The following CNTN3 variants were observed in gnomAD, a reference collection of about 807,000 sequenced individuals.
CNTN3 encodes contactin 3.
A neutral mutation model predicts 119.1 loss-of-function variants in CNTN3; 60 were observed. The observed-to-expected ratio is 0.50, with a 90% CI of 0.41 to 0.62. The LOEUF is 0.62. Among genes scored for constraint, CNTN3 ranks in the 20% least tolerant of loss-of-function variants. CNTN3 has a pLI of 0.00. For missense variants in CNTN3, 1,101 were observed against 1,242.4 expected (o/e 0.89, Z 1.71); for synonymous variants, 450 against 438.7 (o/e 1.03, Z -0.32).
intron 2 of CNTN3, among the ~76,000 whole-genome samples, chr3:74,518,540 C>T (rs545450828): frequency 6.6e-6 from 1 of 152,018 alleles, no homozygotes; most frequent in South Asian, 2.1e-4. Flanking sequence ...CCACATCCAA[C>T]ACCACAAACT....
At chr3:74,407,977 T>C (rs1701365263) in intron 5 of CNTN3, among the ~76,000 whole-genome samples, 1 of 152,184 alleles carries the variant, frequency 6.6e-6, no homozygotes, top group South Asian at 2.1e-4. Flanking sequence ...TTGGTGGTTG[T>C]GAGCAGCATG....
rs1575835012 is a variant in CNTN3, at chr3:74,567,659, A to C, written c.-80-46467T>G. On this transcript the variant is annotated intron_variant, in intron 1 of 22. Transcript: ENST00000263665. ...CAAGAAGGGACCTTTTTGAATCTTG[A>C]GAAGACAAAGAGTGGATCATTTCCT... Among the ~76,000 whole-genome samples, 3 of 152,198 alleles carry C rather than the reference A, an allele frequency of 2.0e-5. 1 individual carries two copies. The East Asian group carries it at 5.8e-4, about 29-fold the overall frequency.
At chr3:74,289,053 T>C (rs1702175600) in intron 19 of CNTN3, among the ~76,000 whole-genome samples, 1 of 152,194 alleles carries the variant, frequency 6.6e-6, no homozygotes, top group African/African-American at 2.4e-5. Flanking sequence ...CTATTAACAA[T>C]TTTAAAGCCA....
intron 2 of CNTN3, among the ~76,000 whole-genome samples, chr3:74,504,779 T>G (rs954168980): frequency 2.5e-5 from 1 of 40,514 alleles, no homozygotes; most frequent in Non-Finnish European, 8.0e-5. Context: ...CCACAACTCT[T>G]TGTCATTCTC....
chr3:74,389,476 T>C (rs947096896), intron 5 of CNTN3, among the ~76,000 whole-genome samples: 1 of 152,332 alleles, frequency 6.6e-6, no homozygotes, highest in Middle Eastern at 3.4e-3. Flanking sequence ...AACTCTTACA[T>C]ATACTGAGAA....
chr3:74,270,930 C>G (rs1229296546), intron 20 of CNTN3, among the ~76,000 whole-genome samples: 1 of 152,098 alleles, frequency 6.6e-6, no homozygotes, highest in Non-Finnish European at 1.5e-5. Context: ...AGATTTATAT[C>G]ACAACACTAA....
chr3:74,435,648 A>G (rs184882676), intron 4 of CNTN3, among the ~76,000 whole-genome samples: 36 of 152,316 alleles, frequency 2.4e-4, no homozygotes, highest in Non-Finnish European at 3.8e-4. Context: ...GCTTTGCTAG[A>G]CACTGTGATA....
At chr3:74,476,466 A>G (rs1702657512) in intron 4 of CNTN3, among the ~76,000 whole-genome samples, 1 of 152,210 alleles carries the variant, frequency 6.6e-6, no homozygotes, top group South Asian at 2.1e-4. Flanking sequence ...ACAGAGGCTA[A>G]CAAGAATCAA....
chr3:74,586,933 T>C (rs1453929067), intron 1 of CNTN3, among the ~76,000 whole-genome samples: 1 of 152,092 alleles, frequency 6.6e-6, no homozygotes, highest in Admixed American at 6.6e-5. Context: ...CTGCCTAGCA[T>C]CTATCCTGCC....
intron 3 of CNTN3, among the ~76,000 whole-genome samples, chr3:74,492,884 G>T (rs1702993224): frequency 6.6e-6 from 1 of 152,046 alleles, no homozygotes; most frequent in African/African-American, 2.4e-5. Flanking sequence ...AACTCCACTG[G>T]ATAATGACTA....
At chr3:74,408,925 T>C (rs897175759) in intron 5 of CNTN3, among the ~76,000 whole-genome samples, 1 of 152,192 alleles carries the variant, frequency 6.6e-6, no homozygotes, top group Non-Finnish European at 1.5e-5. Context: ...AAATTGTCTA[T>C]ACAGTTCTTC....
intron 1 of CNTN3, among the ~76,000 whole-genome samples, chr3:74,557,727 G>GAAAAA (rs5850189): frequency 7.3e-6 from 1 of 136,974 alleles, no homozygotes. Context: ...AGCAACAGAT[G>GAAAAA]AAAAAAAAAA....
At chr3:74,293,693 G>C (rs780691756) in intron 19 of CNTN3, among the ~76,000 whole-genome samples, 2 of 152,028 alleles carry the variant, frequency 1.3e-5, no homozygotes, top group African/African-American at 2.4e-5. Context: ...CAGGCCAGTC[G>C]TGAAATCCTG....
chr3:74,448,764 G>A (rs1423649562), intron 4 of CNTN3, among the ~76,000 whole-genome samples: 1 of 152,026 alleles, frequency 6.6e-6, no homozygotes, highest in Non-Finnish European at 1.5e-5. Flanking sequence ...AATGCCCTCA[G>A]AGTCTACCAG....
At chr3:74,580,427 C>T (rs918370439) in intron 1 of CNTN3, among the ~76,000 whole-genome samples, 4 of 151,952 alleles carry the variant, frequency 2.6e-5, no homozygotes, top group South Asian at 4.2e-4. Context: ...AAATATTACA[C>T]GGAGAGAAAA....
intron 2 of CNTN3, among the ~76,000 whole-genome samples, chr3:74,501,141 G>A (rs1411818156): frequency 1.3e-5 from 2 of 151,682 alleles, no homozygotes; most frequent in African/African-American, 4.8e-5. Flanking sequence ...GGCCACACTA[G>A]ATCTTAGGGT....
intron 2 of CNTN3, among the ~76,000 whole-genome samples, chr3:74,507,626 CTTTTTTTTT>C (rs59540461): frequency 7.7e-5 from 8 of 103,652 alleles, no homozygotes; most frequent in Non-Finnish European, 9.2e-5. Context: ...TTCTTTCTTT[CTTTTTTTTT>C]TTTTTTTTTT....
At position 74,350,139 on chromosome 3, in the gene CNTN3, G is replaced by A. The variant is rs772488335; in HGVS notation, c.1364+11751C>T. Among the ~76,000 whole-genome samples the A allele has an allele frequency of 7.2e-5, 11 of 152,038 alleles. 1 individual carries two copies. Among genetic ancestry groups the A allele is most frequent in the Non-Finnish European group, 1.6e-4 (11 of 68,014 alleles). On this transcript the variant is annotated intron_variant, in intron 11 of 22. Coordinates refer to ENST00000263665, the MANE Select transcript of CNTN3 (RefSeq NM_020872.3). ...AGCAATCTGTTTAAAATAACATTTG[G>A]GTGGAATTTACTTAAGAAGGTTGAA... is the stretch of plus-strand genomic sequence containing the variant.
chr3:74,494,204 G>A (rs556729367), intron 3 of CNTN3, among the ~76,000 whole-genome samples: 10 of 152,084 alleles, frequency 6.6e-5, no homozygotes, highest in Admixed American at 4.6e-4. Context: ...CAACCTTACC[G>A]ATTGCTTAAG....
Sources: allele counts gnomAD v4.1 joint callset (sites outside exome capture counted in the v4.1 genomes callset), GRCh38; gene constraint gnomAD v4.1.1; transcripts MANE v1.5; gene names NCBI Gene and HGNC (gene_info 2026-07-23, HGNC 2026-07-21).